The following DYM variants were observed in gnomAD, a reference collection of about 807,000 sequenced individuals.
DYM encodes the protein dyggve-Melchior-Clausen syndrome protein.
DYM carries 78 observed loss-of-function variants against 93.1 expected under a neutral mutation model. The observed-to-expected ratio is 0.84, with a 90% CI of 0.70 to 1.01. The LOEUF is 1.01. DYM is among the 50% of genes least tolerant of loss of function. The pLI is 0.00. For synonymous variants in DYM, 321 were observed against 319.7 expected (o/e 1.00, Z -0.04); for missense variants, 789 against 845.0 (o/e 0.93, Z 0.82).
intron 14 of DYM, among the ~76,000 whole-genome samples, chr18:49,184,270 G>A (rs1294621605): frequency 6.6e-6 from 1 of 151,540 alleles, no homozygotes; most frequent in African/African-American, 2.4e-5. Context: ...GAAGGGAAGT[G>A]GCCTTTTCTC....
chr18:49,193,095 T>C (rs980942736), intron 14 of DYM, among the ~76,000 whole-genome samples: 2 of 152,200 alleles, frequency 1.3e-5, no homozygotes, highest in Admixed American at 6.5e-5. Context: ...ATGGATATGC[T>C]AACTAGCTTA....
intron 8 of DYM, among the ~76,000 whole-genome samples, chr18:49,317,818 T>C (rs1476868579): frequency 6.6e-6 from 1 of 151,844 alleles, no homozygotes; most frequent in Non-Finnish European, 1.5e-5. Flanking sequence ...TAACAAAGGC[T>C]TGATGGCATT....
intron 16 of DYM, among the ~76,000 whole-genome samples, chr18:49,114,817 T>C (rs186239229): frequency 6.6e-6 from 1 of 152,236 alleles, no homozygotes; most frequent in African/African-American, 2.4e-5. Context: ...AATTGCCTGG[T>C]TACTAAGAAC....
chr18:49,393,302 G>A (rs80176386), intron 2 of DYM, among the ~76,000 whole-genome samples: 12,857 of 152,090 alleles, frequency 0.085, 668 homozygotes, highest in East Asian at 0.18. Flanking sequence ...ATTACCATCC[G>A]GGTAGATACC....
chr18:49,336,182 C>G (rs986622245), intron 6 of DYM, among the ~76,000 whole-genome samples: 2 of 152,180 alleles, frequency 1.3e-5, no homozygotes, highest in Admixed American at 6.5e-5. Context: ...TAACATCTTA[C>G]TGTATGCCTC....
intron 11 of DYM, among the ~76,000 whole-genome samples, chr18:49,271,683 T>TAAAAAA: frequency 6.6e-6 from 1 of 150,762 alleles, no homozygotes; most frequent in Non-Finnish European, 1.5e-5. Flanking sequence ...AAAAATAAAA[T>TAAAAAA]AAAAAAATGC....
chr18:49,405,920 C>A (rs1328737863), intron 2 of DYM, among the ~76,000 whole-genome samples: 1 of 152,102 alleles, frequency 6.6e-6, no homozygotes, highest in African/African-American at 2.4e-5. Flanking sequence ...TTTTATTGTT[C>A]TCCTTATAGA....
chr18:49,217,154 G>C lies in DYM; in HGVS notation c.1461-7439C>G, dbSNP rs556777264. Among the ~76,000 whole-genome samples the C allele has an allele frequency of 2.0e-5, 3 of 152,346 alleles. No individual in the cohort carries two copies. In the South Asian group the frequency reaches 6.2e-4, roughly 32 times the overall value. ...CGATCAACTGGAAGAAAGGGTATCA[G>C]TGATGCAAGATGAAATGAATGAAAT... On this transcript the variant is annotated intron_variant, in intron 13 of 17. Transcript: ENST00000675505.
intron 10 of DYM, among the ~76,000 whole-genome samples, chr18:49,275,395 G>C (rs767842539): frequency 2.6e-5 from 4 of 152,154 alleles, no homozygotes; most frequent in Admixed American, 6.6e-5. Flanking sequence ...TTTGAAATTA[G>C]AAAGTATGAG....
chr18:49,353,660 A>G (rs1478234583), intron 6 of DYM, among the ~76,000 whole-genome samples: 1 of 152,084 alleles, frequency 6.6e-6, no homozygotes, highest in Admixed American at 6.6e-5. Flanking sequence ...ATGAATCAAA[A>G]AAGTGGTATA....
chr18:49,317,244 T>A (rs1018333126), intron 8 of DYM, among the ~76,000 whole-genome samples: 1 of 152,162 alleles, frequency 6.6e-6, no homozygotes, highest in Non-Finnish European at 1.5e-5. Context: ...TAAAGTAAAA[T>A]GTAAAGAATT....
intron 6 of DYM, among the ~76,000 whole-genome samples, chr18:49,349,205 C>CAAAA (rs1411884272): frequency 6.6e-6 from 1 of 151,310 alleles, no homozygotes; most frequent in African/African-American, 2.5e-5. Context: ...GAGACTGTCT[C>CAAAA]AAAAAACAAA....
chr18:49,355,898 A>G (rs1361488443), intron 6 of DYM, among the ~76,000 whole-genome samples: 3 of 152,196 alleles, frequency 2.0e-5, no homozygotes, highest in African/African-American at 7.2e-5. Context: ...ATAAACCACT[A>G]GAACAGGTGA....
chr18:49,312,257 G>C (rs74350999), intron 8 of DYM, among the ~76,000 whole-genome samples: 14,765 of 152,168 alleles, frequency 0.097, 908 homozygotes, highest in East Asian at 0.31. Context: ...AAGCCAAAGA[G>C]AGTTTAAAGC....
intron 3 of DYM, among the ~76,000 whole-genome samples, chr18:49,388,898 T>A (rs2068892258): frequency 2.1e-5 from 2 of 95,104 alleles, no homozygotes; most frequent in Non-Finnish European, 4.4e-5. Flanking sequence ...AGAAAAAAAA[T>A]AGCACATTTT....
chr18:49,332,914 T>C (rs1365895788), intron 7 of DYM, among the ~76,000 whole-genome samples: 1 of 152,112 alleles, frequency 6.6e-6, no homozygotes, highest in Non-Finnish European at 1.5e-5. Flanking sequence ...TCATTCTGAG[T>C]GTCATTCTGA....
At chr18:49,362,645 C>G (rs1276499539) in intron 6 of DYM, among the ~76,000 whole-genome samples, 1 of 152,166 alleles carries the variant, frequency 6.6e-6, no homozygotes, top group East Asian at 1.9e-4. Flanking sequence ...AGATGTGCCT[C>G]CTAGCTGACT....
chr18:49,163,849 GGAAATATATA>G lies in DYM; in HGVS notation c.1626-72_1626-63del. On this transcript the variant is annotated intron_variant, in intron 14 of 17. Coordinates refer to ENST00000675505, the MANE Select transcript of DYM (RefSeq NM_001353214.3). ...AACTGTTTTCTTTTCTGTCTTCTGT[GGAAATATATA>G]GTTCCACAGCATGTCAATTATTCTA... The G allele has an allele frequency of 4.7e-6, 5 of 1,063,130 alleles. No individual in the cohort carries two copies. The South Asian group carries it at 6.7e-5, about 14-fold the overall frequency. The allele number at this position is 1,063,130 out of a possible 1,614,324, so 65.9% of individuals were successfully genotyped here.
intron 13 of DYM, among the ~76,000 whole-genome samples, chr18:49,247,559 C>T (rs1324796564): frequency 6.6e-6 from 1 of 152,148 alleles, no homozygotes; most frequent in Non-Finnish European, 1.5e-5. Context: ...CAATAAAGCT[C>T]TATGGAAGTT....
Sources: gnomAD v4.1 joint callset for allele counts (sites outside exome capture counted in the v4.1 genomes callset) on GRCh38, gnomAD v4.1.1 for gene constraint, MANE v1.5 for transcripts, NCBI Gene and HGNC (gene_info 2026-07-23, HGNC 2026-07-21) for gene names.